TMOD2: variants seen among roughly 807,000 people sequenced by gnomAD.
The protein encoded by TMOD2 is tropomodulin 2.
TMOD2 carries 22 observed loss-of-function variants against 39.9 expected under a neutral mutation model. The observed-to-expected ratio is 0.55, with a 90% CI of 0.39 to 0.79. The LOEUF (loss-of-function observed/expected upper bound fraction) is 0.79. Ranked by LOEUF, TMOD2 falls within the 30% of genes least tolerant of loss-of-function variation. The probability of loss-of-function intolerance (pLI) is 0.00; values close to 1 mark genes in which losing one functional copy is unlikely to be tolerated. For synonymous variants in TMOD2, 123 were observed against 146.1 expected (o/e 0.84, Z 1.14); for missense variants, 386 against 413.3 (o/e 0.93, Z 0.57).
chr15:51,757,708 C>T (rs1595860268), intron 1 of TMOD2, among the ~76,000 whole-genome samples: 1 of 152,142 alleles, frequency 6.6e-6, no homozygotes, highest in African/African-American at 2.4e-5. Flanking sequence ...CCCACGGCAG[C>T]ATTGCTAACA....
rs1363380763 is a variant in TMOD2 at position 51,814,211 on chromosome 15, G to A, written c.*5757G>A. The A allele has an allele frequency of 6.6e-6, 1 of 152,278 alleles. No individual in the cohort carries two copies. The highest frequency in any genetic ancestry group is 2.4e-5 in the African/African-American group (1 of 41,444). The allele number at this position is 152,278 out of a possible 1,614,324, so 9.4% of individuals were successfully genotyped here. ...TGCCCTCCTGTCATTGCTGTGGGTG[G>A]GAGAGGCTAAGACTTCAGGTTTGAC... On this transcript the variant is annotated 3_prime_UTR_variant, in exon 10 of 10. Coordinates refer to ENST00000249700, the MANE Select transcript of TMOD2 (RefSeq NM_014548.4).
At chr15:51,781,294 G>A in intron 6 of TMOD2, 120 bp downstream of exon 6, 1 of 866,574 alleles carries the variant, frequency 1.2e-6, no homozygotes, top group Non-Finnish European at 1.7e-6. Context: ...CTGAGTTGGA[G>A]TCAAGGTATC....
At chr15:51,764,302 G>A (rs2055801336) in intron 1 of TMOD2, among the ~76,000 whole-genome samples, 1 of 151,980 alleles carries the variant, frequency 6.6e-6, no homozygotes, top group Non-Finnish European at 1.5e-5. Context: ...GGGCAACAGA[G>A]GGAGACCCTA....
chr15:51,764,259 G>A (rs2055800933), intron 1 of TMOD2, among the ~76,000 whole-genome samples: 1 of 152,194 alleles, frequency 6.6e-6, no homozygotes, highest in Non-Finnish European at 1.5e-5. Context: ...GGAGGTTGCA[G>A]TGAGCCGAGA....
At chr15:51,798,450 G>A in intron 8 of TMOD2, 110 bp downstream of exon 8, 1 of 1,287,914 alleles carries the variant, frequency 7.8e-7, no homozygotes, top group Non-Finnish European at 1.1e-6. Flanking sequence ...GACTCAATTT[G>A]ATGTACTGGA....
intron 9 of TMOD2, among the ~76,000 whole-genome samples, chr15:51,807,675 C>G (rs2141646640): frequency 6.6e-6 from 1 of 152,276 alleles, no homozygotes; most frequent in South Asian, 2.1e-4. Context: ...GAAGCAGCAA[C>G]TGTGGGCAAG....
intron 8 of TMOD2, among the ~76,000 whole-genome samples, chr15:51,801,832 C>T (rs2056092322): frequency 6.6e-6 from 1 of 151,996 alleles, no homozygotes; most frequent in Admixed American, 6.6e-5. Context: ...GAGCCTGGGC[C>T]TCTAGTCCCA....
chr15:51,774,238 A>G (rs1354934803), intron 4 of TMOD2, among the ~76,000 whole-genome samples: 2 of 152,240 alleles, frequency 1.3e-5, no homozygotes, highest in Admixed American at 6.5e-5. Flanking sequence ...GAAAACGCTA[A>G]GAAGTCCATT....
rs1432953024 is a variant in TMOD2, at chr15:51,810,671, T to C, written c.*2217T>C. 6.6e-6 allele frequency: 1 copy of C among 152,152 alleles called. No individual in the cohort carries two copies. Among genetic ancestry groups the C allele is most frequent in the African/African-American group, 2.4e-5 (1 of 41,432 alleles). The allele number at this position is 152,152 out of a possible 1,614,324, so 9.4% of individuals were successfully genotyped here. A position where few individuals can be genotyped will look rare whatever the true frequency, so the allele number is the denominator to read the frequency against. On this transcript the variant is annotated 3_prime_UTR_variant, in exon 10 of 10. Transcript: ENST00000249700. ...AAGGGAAGAACATTTCTCTTAGATGTCTTTTCTCCTCTTTGGATTTGTTAC... is the reference window on the plus strand; with the variant it reads ...AAGGGAAGAACATTTCTCTTAGATGCCTTTTCTCCTCTTTGGATTTGTTAC...
intron 1 of TMOD2, among the ~76,000 whole-genome samples, chr15:51,753,153 T>A (rs143725286): frequency 5.7e-4 from 86 of 151,960 alleles, no homozygotes; most frequent in African/African-American, 2.0e-3. Context: ...ATAGAAGGAA[T>A]GAGAGAATCA....
intron 8 of TMOD2, among the ~76,000 whole-genome samples, chr15:51,802,370 A>G (rs2056095870): frequency 6.6e-6 from 1 of 152,256 alleles, no homozygotes; most frequent in Non-Finnish European, 1.5e-5. Flanking sequence ...CAAAATAGAG[A>G]AAACCCTAAA....
At chr15:51,801,288 G>GTCTCTCTCTC (rs72529496) in intron 8 of TMOD2, among the ~76,000 whole-genome samples, 29 of 111,730 alleles carry the variant, frequency 2.6e-4, no homozygotes, top group African/African-American at 1.0e-3. Flanking sequence ...CACACACCCT[G>GTCTCTCTCTC]TCTCTCTCTC....
chr15:51,773,881 C>T (rs556430489), intron 4 of TMOD2, 47 bp downstream of exon 4: 285 of 1,560,754 alleles, frequency 1.8e-4, no homozygotes, highest in Non-Finnish European at 2.4e-4. Flanking sequence ...CTATGACCTC[C>T]GAGCATGCAC....
chr15:51,805,549 T>G, intron 8 of TMOD2, among the ~76,000 whole-genome samples: 1 of 152,226 alleles, frequency 6.6e-6, no homozygotes, highest in South Asian at 2.1e-4. Context: ...TTATATTTGA[T>G]AGCACAAATA....
Position 51,773,751 on chromosome 15 carries a change from G to A in TMOD2, c.323G>A (p.Arg108His), listed in dbSNP as rs114844653. The A allele has an allele frequency of 2.0e-4, 328 of 1,612,486 alleles. No homozygotes were observed. The highest frequency in any genetic ancestry group is 2.4e-4 in the Non-Finnish European group (284 of 1,179,516). ...CCTAAAGAAAAGCCTATAGAAACTC[G>A]TAAAGAAGAAAAAGTGACCCTTGAC... ...FIPKEKPIET[R>H]KEEKVTLDPE... Residue 108 changes from arginine (R) to histidine (H), a missense_variant, in exon 4 of 10, where the codon CGT (arginine) becomes CAT (histidine). Transcript: ENST00000249700.
chr15:51,756,475 G>A (rs1465954905), intron 1 of TMOD2: 1 of 152,240 alleles, frequency 6.6e-6, no homozygotes, highest in Non-Finnish European at 1.5e-5. Flanking sequence ...TCTGAGATAA[G>A]TACTGTTCTT....
At chr15:51,759,761 T>C (rs189309217) in intron 1 of TMOD2, among the ~76,000 whole-genome samples, 1 of 152,178 alleles carries the variant, frequency 6.6e-6, no homozygotes, top group Admixed American at 6.5e-5. Context: ...CGGGATACAC[T>C]CGAGTAACTT....
rs571055585 is a variant in TMOD2, at chr15:51,773,119, C to A, written c.284-593C>A. On this transcript the variant is annotated intron_variant, in intron 3 of 9. Coordinates refer to ENST00000249700, the MANE Select transcript of TMOD2 (RefSeq NM_014548.4). The stretch of plus-strand genomic sequence containing the variant: ...TATCCAAGCTTCATCCAGGCTCCCC[C>A]ACAAATAGCCTCCCCTTGACCTGAG... Among the ~76,000 whole-genome samples the A allele has an allele frequency of 3.9e-5, 6 of 152,264 alleles. No individual in the cohort carries two copies. In the East Asian group the frequency reaches 5.8e-4, roughly 15 times the overall value.
chr15:51,784,554 G>A (rs184620081), intron 7 of TMOD2: 15 of 152,318 alleles, frequency 9.8e-5, no homozygotes, highest in African/African-American at 3.6e-4. Flanking sequence ...AAGCACTCAT[G>A]TAAAAGAGGA....
Sources: gnomAD v4.1 joint callset for allele counts (sites outside exome capture counted in the v4.1 genomes callset) on GRCh38, gnomAD v4.1.1 for gene constraint, MANE v1.5 for transcripts, NCBI Gene and HGNC (gene_info 2026-07-23, HGNC 2026-07-21) for gene names.